Variants in THADA observed in about 807,000 individuals in gnomAD.
THADA encodes tRNA (32-2'-O)-methyltransferase regulator THADA.
Under a neutral mutation model 219.8 loss-of-function variants are expected in THADA, and 213 were observed. The ratio of observed to expected loss-of-function variants is 0.97; its 90% CI spans 0.87 to 1.09. THADA has a LOEUF of 1.09. Ranked by LOEUF, THADA falls within the 50% of genes least tolerant of loss-of-function variation. The probability of loss-of-function intolerance (pLI) is 0.00; values close to 1 mark genes in which losing one functional copy is unlikely to be tolerated. For synonymous variants in THADA, 1,018 were observed against 828.9 expected, an observed-to-expected ratio of 1.23 and a Z score of -3.92; for missense variants, 2,956 against 2,311.3, an observed-to-expected ratio of 1.28 and a Z score of -5.72.
At chr2:43,575,728 G>C (rs1699783892) in intron 10 of THADA, among the ~76,000 whole-genome samples, 1 of 151,992 alleles carries the variant, frequency 6.6e-6, no homozygotes, top group African/African-American at 2.4e-5. Context: ...AGTAGAGACA[G>C]GGTTTCACCA....
rs186530349 is a variant in THADA at position 43,467,321 on chromosome 2, G to A, written c.3836+17913C>T. ...AATTTGAACACTAGCTCTGCTTCACGCTAGATATGAAATGATGTAGCAAAT... is the reference window on the plus strand; with the variant it reads ...AATTTGAACACTAGCTCTGCTTCACACTAGATATGAAATGATGTAGCAAAT... On this transcript the variant is annotated intron_variant, in intron 26 of 37. Transcript: ENST00000405975. 7.2e-4 allele frequency among the ~76,000 whole-genome samples: 110 copies of A among 151,750 alleles called. 1 individual carries two copies. Among genetic ancestry groups the A allele is most frequent in the Non-Finnish European group, 1.4e-3 (95 of 67,958 alleles).
chr2:43,269,497 T>C lies in THADA; in HGVS notation c.5296+10268A>G, dbSNP rs369929360. On this transcript the variant is annotated intron_variant, in intron 36 of 37. Coordinates refer to ENST00000405975, the MANE Select transcript of THADA (RefSeq NM_022065.5). ...AGTTTGCACCTGCTTTTGCACATCATGGGAGCCGCTGCCAGTGACGCACTC... is the reference window on the plus strand; with the variant it reads ...AGTTTGCACCTGCTTTTGCACATCACGGGAGCCGCTGCCAGTGACGCACTC... Among the ~76,000 whole-genome samples, 5 of 152,204 alleles carry C rather than the reference T, an allele frequency of 3.3e-5. 1 individual carries two copies. Among genetic ancestry groups the C allele is most frequent in the East Asian group, 1.9e-4 (1 of 5,160 alleles).
chr2:43,523,464 G>A (rs904370289), intron 22 of THADA, among the ~76,000 whole-genome samples: 1 of 152,056 alleles, frequency 6.6e-6, no homozygotes, highest in Non-Finnish European at 1.5e-5. Context: ...ATTACATTCT[G>A]CATTTATTTA....
intron 35 of THADA, among the ~76,000 whole-genome samples, chr2:43,283,783 T>C (rs181472321): frequency 3.2e-4 from 48 of 152,280 alleles, no homozygotes; most frequent in Admixed American, 1.0e-3. Context: ...AACTTACATT[T>C]AAAAGAAAGT....
chr2:43,438,626 G>A (rs1033216180), intron 26 of THADA, among the ~76,000 whole-genome samples: 2 of 152,068 alleles, frequency 1.3e-5, no homozygotes, highest in East Asian at 1.9e-4. Context: ...AGTAGTCCCC[G>A]TATGTGAGCT....
chr2:43,581,991 T>C (rs1368133353), intron 7 of THADA, 63 bp from the exon 8 acceptor site: 2 of 1,254,308 alleles, frequency 1.6e-6, no homozygotes, highest in African/African-American at 3.0e-5. Context: ...ACATTTCTAA[T>C]TATCAGCAAA....
At chr2:43,434,281 A>C (rs1679784663) in intron 26 of THADA, among the ~76,000 whole-genome samples, 1 of 152,226 alleles carries the variant, frequency 6.6e-6, no homozygotes, top group South Asian at 2.1e-4. Flanking sequence ...CAAAATTACA[A>C]TTGGATCCCA....
intron 30 of THADA, among the ~76,000 whole-genome samples, chr2:43,328,104 C>T (rs566577053): frequency 8.5e-5 from 13 of 152,314 alleles, no homozygotes; most frequent in African/African-American, 2.4e-4. Context: ...TCTGCCATTC[C>T]GATTTCCAAT....
intron 25 of THADA, among the ~76,000 whole-genome samples, chr2:43,496,547 ACATTTATACG>A (rs975460477): frequency 6.6e-6 from 1 of 152,160 alleles, no homozygotes; most frequent in Non-Finnish European, 1.5e-5. Flanking sequence ...AAATACAGAC[ACATTTATACG>A]CTCAGAGTTG....
chr2:43,402,879 G>C (rs1349580003), intron 28 of THADA, among the ~76,000 whole-genome samples: 3 of 152,236 alleles, frequency 2.0e-5, no homozygotes, highest in African/African-American at 7.2e-5. Context: ...GAGAGGCAGA[G>C]AGCGCTTGGG....
chr2:43,284,699 G>A (rs561859654), intron 35 of THADA, among the ~76,000 whole-genome samples: 76 of 152,278 alleles, frequency 5.0e-4, no homozygotes, highest in African/African-American at 1.6e-3. Context: ...GAGGACCACC[G>A]TCCTCCAGAC....
intron 29 of THADA, among the ~76,000 whole-genome samples, chr2:43,364,681 AC>A (rs1402976092): frequency 1.3e-5 from 2 of 152,122 alleles, no homozygotes; most frequent in African/African-American, 4.8e-5. Context: ...TTGTTTATTC[AC>A]TCAGCAAATG....
At chr2:43,278,755 G>T (rs1324745281) in intron 36 of THADA, among the ~76,000 whole-genome samples, 1 of 152,172 alleles carries the variant, frequency 6.6e-6, no homozygotes, top group East Asian at 1.9e-4. Context: ...ACACATCTGG[G>T]GAGGCTTCCA....
chr2:43,299,016 C>T (rs1183565297), intron 31 of THADA, among the ~76,000 whole-genome samples: 1 of 152,092 alleles, frequency 6.6e-6, no homozygotes, highest in African/African-American at 2.4e-5. Context: ...AAATTCCACA[C>T]CTGACCTAAT....
At chr2:43,297,589 A>C (rs1177372356) in intron 31 of THADA, among the ~76,000 whole-genome samples, 1 of 90,474 alleles carries the variant, frequency 1.1e-5, no homozygotes, top group African/African-American at 6.1e-5. Flanking sequence ...GCCGTCCGGG[A>C]GGGAGGTGGG....
At chr2:43,265,523 C>T (rs1161565705) in intron 36 of THADA, among the ~76,000 whole-genome samples, 1 of 152,086 alleles carries the variant, frequency 6.6e-6, no homozygotes, top group East Asian at 1.9e-4. Context: ...GCTGGGCTTC[C>T]ACTTAAAACG....
chr2:43,235,839 C>A (rs975858005), intron 36 of THADA, among the ~76,000 whole-genome samples: 1 of 151,470 alleles, frequency 6.6e-6, no homozygotes, highest in Non-Finnish European at 1.5e-5. Context: ...CAGAGTCTCG[C>A]TCTGTCGCCC....
At chr2:43,428,457 C>A (rs1224536465) in intron 27 of THADA, among the ~76,000 whole-genome samples, 2 of 152,088 alleles carry the variant, frequency 1.3e-5, no homozygotes, top group Non-Finnish European at 2.9e-5. Context: ...ATACAAAAAA[C>A]TAGCCGATGT....
chr2:43,551,941 T>A lies in THADA; in HGVS notation c.2811-16A>T, dbSNP rs758082615. On this transcript the variant is annotated splice_polypyrimidine_tract_variant and intron_variant, in intron 18 of 37. Transcript: ENST00000405975. ...CTGCAGGCTGCTGCAACAAGGACAT[T>A]AGGGAAATTTATACTAAAAGCAAAA... 6.3e-7 allele frequency: 1 copy of A among 1,592,032 alleles called. No individual in the cohort carries two copies.
Sources: allele counts gnomAD v4.1 joint callset (sites outside exome capture counted in the v4.1 genomes callset), GRCh38; gene constraint gnomAD v4.1.1; transcripts MANE v1.5; gene names NCBI Gene and HGNC (gene_info 2026-07-23, HGNC 2026-07-21).